NDC1: variants seen among roughly 807,000 people sequenced by gnomAD.
NDC1 encodes nucleoporin NDC1.
A neutral mutation model predicts 89.8 loss-of-function variants in NDC1; 24 were observed. That is an observed-to-expected ratio of 0.27 (90% CI 0.19 to 0.38). The LOEUF is 0.38. NDC1 is among the 10% of genes least tolerant of loss of function. The pLI, the probability that NDC1 is intolerant of heterozygous loss-of-function variation, is 1.00. For synonymous variants in NDC1, 296 were observed against 284.8 expected (o/e 1.04, Z -0.39); for missense variants, 728 against 797.6 (o/e 0.91, Z 1.05).
Position 53,796,679 on chromosome 1 carries a change from A to C in NDC1, c.1584+10T>G. On this transcript the variant is annotated intron_variant, in intron 13 of 17. Transcript: ENST00000371429. ...ATGCAAATATAAATCCTATAACCATATCATCCTACCTGTTCACGTTTATTC... is the reference window on the plus strand; with the variant it reads ...ATGCAAATATAAATCCTATAACCATCTCATCCTACCTGTTCACGTTTATTC... The C allele has an allele frequency of 6.5e-7, 1 of 1,537,236 alleles. No homozygotes were observed. The highest frequency in any genetic ancestry group is 8.9e-7 in the Non-Finnish European group (1 of 1,126,664).
chr1:53,814,216 G>A (rs143491375), intron 6 of NDC1, among the ~76,000 whole-genome samples: 4,413 of 152,220 alleles, frequency 0.029, 98 homozygotes, highest in Middle Eastern at 0.045. Context: ...GTAGCCGGGC[G>A]TGGTGGCGGG....
At chr1:53,805,954 A>G (rs1015354696) in intron 9 of NDC1, among the ~76,000 whole-genome samples, 2 of 152,176 alleles carry the variant, frequency 1.3e-5, no homozygotes, top group Non-Finnish European at 1.5e-5. Flanking sequence ...GGCGCCTGTA[A>G]TCCCAGCTAC....
chr1:53,772,226 C>T, intron 17 of NDC1, 103 bp downstream of exon 17: 1 of 1,018,666 alleles, frequency 9.8e-7, no homozygotes, highest in Non-Finnish European at 1.4e-6. Context: ...ATCAAGGTCC[C>T]AAAAGAACAC....
chr1:53,816,829 A>C (rs1324332460), intron 6 of NDC1, among the ~76,000 whole-genome samples: 2 of 152,264 alleles, frequency 1.3e-5, no homozygotes, highest in Admixed American at 6.5e-5. Flanking sequence ...AATTCTTAAA[A>C]GAAGATATAC....
At chr1:53,837,440 G>C (rs1206245311) in intron 1 of NDC1, among the ~76,000 whole-genome samples, 1 of 152,122 alleles carries the variant, frequency 6.6e-6, no homozygotes, top group African/African-American at 2.4e-5. Context: ...GGGCGTAGTG[G>C]TGCGTATCTA....
chr1:53,801,163 C>T (rs983131282), intron 10 of NDC1, among the ~76,000 whole-genome samples: 2 of 150,990 alleles, frequency 1.3e-5, no homozygotes, highest in African/African-American at 4.9e-5. Flanking sequence ...ATAGGTTGAG[C>T]GAGAAAGACC....
chr1:53,834,431 G>A (rs983709364), intron 2 of NDC1, among the ~76,000 whole-genome samples: 9 of 152,220 alleles, frequency 5.9e-5, no homozygotes, highest in Non-Finnish European at 1.0e-4. Context: ...AGTGATGGAC[G>A]TACGTCAACA....
At chr1:53,836,698 G>A (rs1474610714) in intron 1 of NDC1, among the ~76,000 whole-genome samples, 1 of 151,676 alleles carries the variant, frequency 6.6e-6, no homozygotes. Context: ...TCGAACTCCT[G>A]ACCCCAAGTG....
intron 6 of NDC1, among the ~76,000 whole-genome samples, chr1:53,817,624 A>G (rs1648525506): frequency 6.6e-6 from 1 of 152,204 alleles, no homozygotes; most frequent in African/African-American, 2.4e-5. Flanking sequence ...GTACCCCAAT[A>G]ACTTACAGAA....
intron 6 of NDC1, among the ~76,000 whole-genome samples, chr1:53,817,998 C>T (rs992239975): frequency 6.6e-6 from 1 of 152,096 alleles, no homozygotes; most frequent in African/African-American, 2.4e-5. Context: ...AAAATATTTA[C>T]ATTGTATTAG....
At chr1:53,800,637 C>T in intron 11 of NDC1, 56 bp downstream of exon 11, 2 of 1,595,264 alleles carry the variant, frequency 1.3e-6, no homozygotes, top group Non-Finnish European at 1.7e-6. Context: ...CTACAGTCAT[C>T]TTTCTTAGGA....
intron 16 of NDC1, among the ~76,000 whole-genome samples, chr1:53,775,397 C>CGT (rs1647153943): frequency 6.6e-6 from 1 of 152,024 alleles, no homozygotes; most frequent in Non-Finnish European, 1.5e-5. Flanking sequence ...GCTGGGATTA[C>CGT]AGGCGCCCGC....
intron 13 of NDC1, among the ~76,000 whole-genome samples, chr1:53,796,349 A>G (rs1353083690): frequency 1.3e-5 from 2 of 152,208 alleles, no homozygotes; most frequent in Non-Finnish European, 2.9e-5. Flanking sequence ...GAAACAGAAT[A>G]TAATACATTT....
At position 53,803,936 on chromosome 1, in the gene NDC1, C is replaced by T. The variant is rs770583868; in HGVS notation, c.1058G>A (p.Ser353Asn). ...PSRRQEVFSL[S>N]QPGGHPHNWT... ...ATTACTTTTAGCAATACCTGGTTGG[C>T]TGAGGCTGAAAACTTCTTGTCTTCG... Residue 353 changes from serine (S) to asparagine (N), a missense_variant, in exon 10 of 18, where the codon AGC becomes AAC. Ser to Asn is a conservative substitution (Grantham distance 46). Coordinates refer to ENST00000371429, the MANE Select transcript of NDC1 (RefSeq NM_018087.5). 1.2e-6 allele frequency: 2 copies of T among 1,612,740 alleles called. No homozygotes were observed. The highest frequency in any genetic ancestry group is 1.7e-5 in the Admixed American group (1 of 60,022).
At chr1:53,780,773 T>C (rs1200677581) in intron 16 of NDC1, among the ~76,000 whole-genome samples, 1 of 152,172 alleles carries the variant, frequency 6.6e-6, no homozygotes, top group Non-Finnish European at 1.5e-5. Context: ...AATGTGAATA[T>C]ATTTAATGTC....
At chr1:53,797,968 A>AT (rs1647776267) in intron 11 of NDC1, among the ~76,000 whole-genome samples, 1 of 152,010 alleles carries the variant, frequency 6.6e-6, no homozygotes, top group South Asian at 2.1e-4. Context: ...CCAAAGGCTA[A>AT]TTTGCCCAGA....
intron 17 of NDC1, among the ~76,000 whole-genome samples, chr1:53,770,731 T>C (rs1001493707): frequency 1.3e-5 from 2 of 152,160 alleles, no homozygotes; most frequent in Admixed American, 6.6e-5. Flanking sequence ...CTCGGCTCAC[T>C]GCAACCTCCG....
intron 5 of NDC1, among the ~76,000 whole-genome samples, 177 bp downstream of exon 5, chr1:53,825,621 T>C (rs1384570750): frequency 1.3e-5 from 2 of 152,166 alleles, no homozygotes; most frequent in East Asian, 3.9e-4. Context: ...CTCAAAAATA[T>C]GCTTAAGTCT....
At chr1:53,773,833 G>C (rs1647139631) in intron 16 of NDC1, among the ~76,000 whole-genome samples, 1 of 152,172 alleles carries the variant, frequency 6.6e-6, no homozygotes, top group African/African-American at 2.4e-5. Context: ...CCCAGACTGG[G>C]TGTTCTACTC....
Sources: allele counts gnomAD v4.1 joint callset (sites outside exome capture counted in the v4.1 genomes callset), GRCh38; gene constraint gnomAD v4.1.1; transcripts MANE v1.5; gene names NCBI Gene and HGNC (gene_info 2026-07-23, HGNC 2026-07-21).